RIC3: variants seen among roughly 807,000 people sequenced by gnomAD.
RIC3 encodes RIC3 acetylcholine receptor chaperone, also known as protein RIC-3.
A neutral mutation model predicts 27.3 loss-of-function variants in RIC3; 28 were observed. The ratio of observed to expected loss-of-function variants is 1.02; its 90% CI spans 0.76 to 1.41. The LOEUF (loss-of-function observed/expected upper bound fraction) is 1.41, where lower values mean the gene tolerates loss of function less well. Ranked by LOEUF, RIC3 falls within the 40% of genes most tolerant of loss-of-function variation. The pLI, the probability that RIC3 is intolerant of heterozygous loss-of-function variation, is 0.00. For missense variants in RIC3, 501 were observed against 444.7 expected (o/e 1.13, Z -1.14); for synonymous variants, 184 against 160.4 (o/e 1.15, Z -1.11).
In RIC3 at chr11:8,137,363, T is replaced by C. The variant is rs935657673; in HGVS notation, c.521+15A>G. On this transcript the variant is annotated intron_variant, in intron 4 of 5. Coordinates refer to ENST00000309737, the MANE Select transcript of RIC3 (RefSeq NM_001206671.4). ...AAATGAGAAATAGTCTGAGTCCCGT[T>C]ACATGAAAACCTACCTCTCACCATT... 1 of 1,605,274 alleles carries C rather than the reference T, an allele frequency of 6.2e-7. No homozygotes were observed. Among genetic ancestry groups the C allele is most frequent in the Non-Finnish European group, 8.5e-7 (1 of 1,172,250 alleles).
In RIC3 at chr11:8,153,547, C is replaced by T. The variant is rs181197920; in HGVS notation, c.125-13354G>A. On this transcript the variant is annotated intron_variant, in intron 1 of 5. Transcript: ENST00000309737. The stretch of plus-strand genomic sequence containing the variant: ...GGCACATTACTCTTCTCTTTTTCCA[C>T]TGGTCCTTCAACCTATTCCTTCTCA... 1,557 of 335,162 alleles carry T rather than the reference C, an allele frequency of 4.6e-3. 23 individuals are homozygous for T. Among genetic ancestry groups the T allele is most frequent in the Non-Finnish European group, 3.8e-3 (651 of 173,456 alleles). 20.8% of individuals were successfully genotyped at this position (335,162 alleles called of 1,614,324 possible). A position where few individuals can be genotyped will look rare whatever the true frequency, so the allele number is the denominator to read the frequency against.
At chr11:8,165,529 T>C (rs1471709933) in intron 1 of RIC3, among the ~76,000 whole-genome samples, 1 of 152,006 alleles carries the variant, frequency 6.6e-6, no homozygotes, top group Non-Finnish European at 1.5e-5. Context: ...GGGCTGGAGG[T>C]GGGCTGGGGG....
chr11:8,095,704 A>C, the RIC3 span: 224 of 1,549,054 alleles, frequency 1.4e-4, no homozygotes, highest in Non-Finnish European at 1.8e-4. Context: ...CCCAAAACTC[A>C]GTCCCAGGTT....
At chr11:8,097,352 G>A in the RIC3 span, 3 of 1,614,170 alleles carry the variant, frequency 1.9e-6, no homozygotes, top group East Asian at 2.2e-5. Context: ...CGCATCACTC[G>A]GGACAAGAAA....
intron 1 of RIC3, among the ~76,000 whole-genome samples, chr11:8,149,879 C>G (rs568830621): frequency 5.8e-4 from 89 of 152,266 alleles, no homozygotes; most frequent in African/African-American, 1.2e-3. Flanking sequence ...CCACCTGATA[C>G]TGTCCCTCCT....
chr11:8,118,768 G>C (rs1194984454), intron 5 of RIC3, among the ~76,000 whole-genome samples: 8 of 151,928 alleles, frequency 5.3e-5, no homozygotes, highest in Non-Finnish European at 1.2e-4. Flanking sequence ...CTACTTAGGA[G>C]GCTGAAGCAT....
rs941380982 is a variant in RIC3 at position 8,107,014 on chromosome 11, G to A, written c.*3684C>T. The A allele has an allele frequency of 6.6e-6, 1 of 152,182 alleles. No individual in the cohort carries two copies. Among genetic ancestry groups the A allele is most frequent in the African/African-American group, 2.4e-5 (1 of 41,444 alleles). 9.4% of individuals were successfully genotyped at this position (152,182 alleles called of 1,614,324 possible). A position where few individuals can be genotyped will look rare whatever the true frequency, so the allele number is the denominator to read the frequency against. ...TTTAATCCAAACAGCCCTGTAAATAGAGCATTATTCCCAATTCATGGGGAA... is the reference window on the plus strand; with the variant it reads ...TTTAATCCAAACAGCCCTGTAAATAAAGCATTATTCCCAATTCATGGGGAA... On this transcript the variant is annotated 3_prime_UTR_variant, in exon 6 of 6. Transcript: ENST00000309737.
chr11:8,147,938 G>T (rs559139832), intron 1 of RIC3, among the ~76,000 whole-genome samples: 135 of 152,224 alleles, frequency 8.9e-4, no homozygotes, highest in Admixed American at 3.6e-3. Flanking sequence ...ATGTTGGCCA[G>T]GATGGTCTTA....
chr11:8,162,967 C>T (rs1951318941), intron 1 of RIC3, among the ~76,000 whole-genome samples: 1 of 151,072 alleles, frequency 6.6e-6, no homozygotes, highest in Non-Finnish European at 1.5e-5. Context: ...TGTTTCTTTG[C>T]TCAGTATTTC....
chr11:8,110,131 G>A lies in RIC3; in HGVS notation c.*567C>T, dbSNP rs1342828046. ...AGAGGATGTCTGAGGCAGCATCAAT[G>A]TTCCTAGGAAGACCCTCGCTGCGAG... On this transcript the variant is annotated 3_prime_UTR_variant, in exon 6 of 6. Transcript: ENST00000309737. The A allele has an allele frequency of 5.9e-6, 1 of 168,838 alleles. No homozygotes were observed. Among genetic ancestry groups the A allele is most frequent in the African/African-American group, 2.4e-5 (1 of 41,656 alleles). The allele number at this position is 168,838 out of a possible 1,614,324, so 10.5% of individuals were successfully genotyped here.
At chr11:8,118,875 A>AC (rs1251937091) in intron 5 of RIC3, among the ~76,000 whole-genome samples, 1 of 151,964 alleles carries the variant, frequency 6.6e-6, no homozygotes, top group Non-Finnish European at 1.5e-5. Flanking sequence ...CATCTCAAAA[A>AC]AAAAAAAGAA....
rs1046611011 is a variant in RIC3 at position 8,165,355 on chromosome 11, TA to T, written c.124+3510del. Among the ~76,000 whole-genome samples, 56 of 133,438 alleles carry T rather than the reference TA, an allele frequency of 4.2e-4. 1 individual carries two copies. Among genetic ancestry groups the T allele is most frequent in the Non-Finnish European group, 7.9e-4 (48 of 60,878 alleles). The allele number at this position is 133,438 out of a possible 152,430, so 87.5% of individuals were successfully genotyped here. A position where few individuals can be genotyped will look rare whatever the true frequency, so the allele number is the denominator to read the frequency against. ...CACACAATGAAATATTATTCAGCCA[TA>T]AAAAAAGTACTGCTACATGCTACAA... On this transcript the variant is annotated intron_variant, in intron 1 of 5. Coordinates refer to ENST00000309737, the MANE Select transcript of RIC3 (RefSeq NM_001206671.4).
rs1417097334 is a variant in RIC3, at chr11:8,109,520, A to G, written c.*1178T>C. 1 of 152,034 alleles carries G rather than the reference A, an allele frequency of 6.6e-6. No homozygotes were observed. The highest frequency in any genetic ancestry group is 2.4e-5 in the African/African-American group (1 of 41,382). The allele number at this position is 152,034 out of a possible 1,614,324, so 9.4% of individuals were successfully genotyped here. A position where few individuals can be genotyped will look rare whatever the true frequency, so the allele number is the denominator to read the frequency against. On this transcript the variant is annotated 3_prime_UTR_variant, in exon 6 of 6. Coordinates refer to ENST00000309737, the MANE Select transcript of RIC3 (RefSeq NM_001206671.4). ...CTGCTACTTTCCCCAGCTCTCTCAAAAAGACCCAAATATCCGAGTATGGAA... is the reference window on the plus strand; with the variant it reads ...CTGCTACTTTCCCCAGCTCTCTCAAGAAGACCCAAATATCCGAGTATGGAA...
At chr11:8,101,180 G>C (rs1453536905), downstream of RIC3, among the ~76,000 whole-genome samples, 2 of 152,160 alleles carry the variant, frequency 1.3e-5, no homozygotes, top group Admixed American at 6.5e-5. Context: ...AACCTTCTTT[G>C]CAGCCCTGGT....
chr11:8,161,825 C>A (rs1460802137), intron 1 of RIC3, among the ~76,000 whole-genome samples: 5 of 151,520 alleles, frequency 3.3e-5, no homozygotes, highest in African/African-American at 9.7e-5. Context: ...TACACACACA[C>A]GTATATAAAT....
At chr11:8,155,776 AAAAAATAGAAACAGC>A in intron 1 of RIC3, among the ~76,000 whole-genome samples, 2 of 152,308 alleles carry the variant, frequency 1.3e-5, no homozygotes, top group Admixed American at 1.3e-4. Flanking sequence ...CTATTTTAAT[AAAAAATAGAAACAGC>A]GGTTCAAGAA....
In RIC3 at chr11:8,107,957, TG is replaced by T. The variant is rs1455243603; in HGVS notation, c.*2740del. 1 of 152,216 alleles carries T rather than the reference TG, an allele frequency of 6.6e-6. No homozygotes were observed. Among genetic ancestry groups the T allele is most frequent in the Non-Finnish European group, 1.5e-5 (1 of 68,034 alleles). The allele number at this position is 152,216 out of a possible 1,614,324, so 9.4% of individuals were successfully genotyped here. On this transcript the variant is annotated 3_prime_UTR_variant, in exon 6 of 6. Transcript: ENST00000309737. ...AACCGGACCCATGATTTTGTCATCC[TG>T]GGTTGTATATACACATATAACTGTC...
At chr11:8,155,094 ACCTGTAGT>A (rs965621987) in intron 1 of RIC3, among the ~76,000 whole-genome samples, 16 of 151,726 alleles carry the variant, frequency 1.1e-4, no homozygotes, top group African/African-American at 3.9e-4. Flanking sequence ...GGTGGCATGC[ACCTGTAGT>A]CCCAGCTACT....
the RIC3 span, chr11:8,097,180 G>A: frequency 6.2e-7 from 1 of 1,602,110 alleles, no homozygotes; most frequent in Non-Finnish European, 8.5e-7. Context: ...ACCAATTTGG[G>A]CTGCTTAGGG....
Sources: allele counts gnomAD v4.1 joint callset (sites outside exome capture counted in the v4.1 genomes callset), GRCh38; gene constraint gnomAD v4.1.1; transcripts MANE v1.5; gene names NCBI Gene and HGNC (gene_info 2026-07-23, HGNC 2026-07-21).